GRIK4: variants seen among roughly 807,000 people sequenced by gnomAD.
The protein encoded by GRIK4 is glutamate receptor ionotropic, kainate 4.
A neutral mutation model predicts 104.9 loss-of-function variants in GRIK4; 40 were observed. The observed-to-expected ratio is 0.38, with a 90% CI of 0.30 to 0.50. The LOEUF (loss-of-function observed/expected upper bound fraction) is 0.50. GRIK4 is among the 20% of genes least tolerant of loss of function. GRIK4 has a pLI of 0.93. For synonymous variants in GRIK4, 485 were observed against 524.9 expected, an observed-to-expected ratio of 0.92 and a Z score of 1.04; for missense variants, 1,047 against 1,308.1, an observed-to-expected ratio of 0.80 and a Z score of 3.08.
chr11:120,689,194 ACATAATTCTAT>A (rs1950318664), intron 3 of GRIK4, among the ~76,000 whole-genome samples: 2 of 152,056 alleles, frequency 1.3e-5, no homozygotes, highest in African/African-American at 4.8e-5. Flanking sequence ...GATAACACGG[ACATAATTCTAT>A]GGAAACCGGA....
chr11:120,931,026 A>G (rs139226928), intron 13 of GRIK4, among the ~76,000 whole-genome samples: 6 of 152,204 alleles, frequency 3.9e-5, no homozygotes, highest in Non-Finnish European at 2.9e-5. Context: ...TTTGTGCATT[A>G]TATGTATTAT....
rs773973222 is a variant in GRIK4 at position 120,960,918 on chromosome 11, C to T, written c.1884C>T (p.Phe628=). The T allele has an allele frequency of 6.2e-7, 1 of 1,613,334 alleles. No individual in the cohort carries two copies. Among genetic ancestry groups the T allele is most frequent in the East Asian group, 2.2e-5 (1 of 44,856 alleles). Residue 628 remains phenylalanine, a synonymous_variant, in exon 17 of 21, where the codon TTC becomes TTT. Coordinates refer to ENST00000527524, the MANE Select transcript of GRIK4 (RefSeq NM_014619.5). ...TRCVSGVWWA[F]TLIIISSYTA... ...GTCTTTTCCTACATAGGTGGGCATT[C>T]ACGCTGATCATCATCTCATCCTACA...
In GRIK4 at chr11:120,711,090, A is replaced by G. The variant is rs143668798; in HGVS notation, c.82+50690A>G. Among the ~76,000 whole-genome samples, 251 of 152,058 alleles carry G rather than the reference A, an allele frequency of 1.7e-3. 1 individual carries two copies. The highest frequency in any genetic ancestry group is 5.9e-3 in the African/African-American group (244 of 41,406). On this transcript the variant is annotated intron_variant, in intron 3 of 20. Transcript: ENST00000527524. ...TGGGCCATGCTGAGCTGTAGGAGAC[A>G]GTGAGCTCCAAGTCAGTGTCTCTGA... is the stretch of plus-strand genomic sequence containing the variant.
chr11:120,527,798 A>G (rs1428889775), intron 1 of GRIK4, among the ~76,000 whole-genome samples: 6 of 152,178 alleles, frequency 3.9e-5, no homozygotes, highest in Non-Finnish European at 7.3e-5. Context: ...AGGTGGGGAA[A>G]AAGAGGGCCT....
intron 1 of GRIK4, among the ~76,000 whole-genome samples, chr11:120,595,234 C>T (rs760603149): frequency 1.1e-4 from 16 of 152,236 alleles, no homozygotes; most frequent in South Asian, 2.1e-4. Flanking sequence ...GATGTGCACA[C>T]GCCATTCCCT....
At chr11:120,763,890 C>T (rs912028764) in intron 3 of GRIK4, among the ~76,000 whole-genome samples, 1 of 152,086 alleles carries the variant, frequency 6.6e-6, no homozygotes, top group Non-Finnish European at 1.5e-5. Context: ...AGAATAAGTG[C>T]TATGTGGTAC....
chr11:120,862,027 C>T lies in GRIK4; in HGVS notation c.813C>T (p.Phe271=), dbSNP rs758640726. Residue 271 remains phenylalanine (F), a synonymous_variant, in exon 9 of 21, where the codon TTC becomes TTT. Coordinates refer to ENST00000527524, the MANE Select transcript of GRIK4 (RefSeq NM_014619.5). ...TCAACATCCTGGGATTTTCCATTTTCAACCAATCCCATGCTTTCTTCCAAG... is the reference window on the plus strand; with the variant it reads ...TCAACATCCTGGGATTTTCCATTTTTAACCAATCCCATGCTTTCTTCCAAG... ...DRVNILGFSI[F]NQSHAFFQEF... The T allele has an allele frequency of 3.7e-6, 6 of 1,613,618 alleles. No homozygotes were observed. Among genetic ancestry groups the T allele is most frequent in the Non-Finnish European group, 4.2e-6 (5 of 1,179,474 alleles).
At chr11:120,714,353 C>T (rs1950789741) in intron 3 of GRIK4, among the ~76,000 whole-genome samples, 1 of 152,188 alleles carries the variant, frequency 6.6e-6, no homozygotes, top group Non-Finnish European at 1.5e-5. Context: ...AAGGACTAAC[C>T]TTTTCCTTCC....
At chr11:120,692,953 A>T (rs1950390343) in intron 3 of GRIK4, among the ~76,000 whole-genome samples, 1 of 151,684 alleles carries the variant, frequency 6.6e-6, no homozygotes, top group Admixed American at 6.6e-5. Flanking sequence ...GCTGGTCTTG[A>T]ACTCTGGATC....
At chr11:120,586,736 G>A (rs925580260) in intron 1 of GRIK4, among the ~76,000 whole-genome samples, 27 of 152,226 alleles carry the variant, frequency 1.8e-4, no homozygotes, top group East Asian at 5.8e-4. Context: ...CCCTTCCTCC[G>A]ACCTGGAGAG....
At chr11:120,528,397 C>T (rs570387891) in intron 1 of GRIK4, among the ~76,000 whole-genome samples, 1 of 152,336 alleles carries the variant, frequency 6.6e-6, no homozygotes, top group South Asian at 2.1e-4. Context: ...AGGCATGAGC[C>T]ACCAAGCCCG....
intron 3 of GRIK4, among the ~76,000 whole-genome samples, chr11:120,738,540 C>T (rs1308400275): frequency 6.6e-6 from 1 of 152,154 alleles, no homozygotes; most frequent in African/African-American, 2.4e-5. Flanking sequence ...CCGTTCATCC[C>T]CCACCCCCTA....
intron 7 of GRIK4, among the ~76,000 whole-genome samples, chr11:120,832,834 G>A (rs1953464853): frequency 6.6e-6 from 1 of 152,196 alleles, no homozygotes; most frequent in Admixed American, 6.5e-5. Flanking sequence ...GGGTAGCATC[G>A]GAGTCACCTG....
At chr11:120,736,447 T>TTGCG (rs1555052022) in intron 3 of GRIK4, among the ~76,000 whole-genome samples, 3 of 75,104 alleles carry the variant, frequency 4.0e-5, no homozygotes, top group Non-Finnish European at 8.4e-5. Flanking sequence ...TCTACCTAGG[T>TTGCG]CACTCCAGTC....
intron 6 of GRIK4, among the ~76,000 whole-genome samples, chr11:120,829,413 C>A (rs1379183110): frequency 6.6e-6 from 1 of 152,086 alleles, no homozygotes; most frequent in Non-Finnish European, 1.5e-5. Context: ...CCAAACAAAA[C>A]GGGGATGTGA....
intron 14 of GRIK4, among the ~76,000 whole-genome samples, chr11:120,948,220 C>T (rs1943910576): frequency 6.6e-6 from 1 of 152,278 alleles, no homozygotes; most frequent in African/African-American, 2.4e-5. Flanking sequence ...GACCATTGGG[C>T]ACTGCTGGGA....
intron 3 of GRIK4, among the ~76,000 whole-genome samples, chr11:120,729,203 A>G (rs1039541116): frequency 1.3e-5 from 2 of 152,194 alleles, no homozygotes; most frequent in Admixed American, 1.3e-4. Context: ...GGCTATTGTG[A>G]ATAGAGTTGC....
At chr11:120,696,617 A>G (rs1950453462) in intron 3 of GRIK4, among the ~76,000 whole-genome samples, 1 of 151,610 alleles carries the variant, frequency 6.6e-6, no homozygotes, top group African/African-American at 2.4e-5. Flanking sequence ...GGAAGAGAAT[A>G]GAAGCAGCCA....
chr11:120,929,472 C>G (rs1943433879), intron 13 of GRIK4, among the ~76,000 whole-genome samples: 2 of 152,122 alleles, frequency 1.3e-5, no homozygotes, highest in South Asian at 4.2e-4. Flanking sequence ...GGGAGAAAGC[C>G]GCCCGCAGGT....
Sources: allele counts gnomAD v4.1 joint callset (sites outside exome capture counted in the v4.1 genomes callset), GRCh38; gene constraint gnomAD v4.1.1; transcripts MANE v1.5; gene names NCBI Gene and HGNC (gene_info 2026-07-23, HGNC 2026-07-21).